The following CDK7 variants were observed in gnomAD, a reference collection of about 807,000 sequenced individuals.
The protein encoded by CDK7 is cyclin dependent kinase 7.
Under a neutral mutation model 49.1 loss-of-function variants are expected in CDK7, and 25 were observed. The observed-to-expected ratio is 0.51, with a 90% CI of 0.37 to 0.71. CDK7 has a LOEUF of 0.71. CDK7 is among the 30% of genes least tolerant of loss of function. CDK7 has a pLI of 0.00. For synonymous variants in CDK7, 107 were observed against 140.0 expected, an observed-to-expected ratio of 0.76 and a Z score of 1.67; for missense variants, 316 against 411.7, an observed-to-expected ratio of 0.77 and a Z score of 2.01.
At chr5:69,269,184 G>T in intron 8 of CDK7, 23 bp from the exon 9 acceptor site, 1 of 1,459,802 alleles carries the variant, frequency 6.9e-7, no homozygotes, top group Non-Finnish European at 9.4e-7. Flanking sequence ...ACCTTGAAAA[G>T]TCTCCCTCTT....
chr5:69,262,423 C>A (rs915500278), intron 8 of CDK7, 119 bp downstream of exon 8: 6 of 1,326,386 alleles, frequency 4.5e-6, no homozygotes, highest in South Asian at 1.3e-5. Flanking sequence ...AATCCCAGCA[C>A]TTTGGGAGGC....
intron 11 of CDK7, 87 bp downstream of exon 11, chr5:69,276,777 G>C (rs1399689577): frequency 9.1e-7 from 1 of 1,100,716 alleles, no homozygotes; most frequent in African/African-American, 1.6e-5. Context: ...CAACAGCAAA[G>C]AAATGTAGCT....
intron 8 of CDK7, among the ~76,000 whole-genome samples, chr5:69,267,278 C>T (rs1751218168): frequency 1.5e-5 from 2 of 130,764 alleles, no homozygotes; most frequent in Admixed American, 1.6e-4. Flanking sequence ...TAGTATTTTT[C>T]TCTATAAGGA....
chr5:69,262,715 C>T (rs1420379311), intron 8 of CDK7, among the ~76,000 whole-genome samples: 1 of 151,536 alleles, frequency 6.6e-6, no homozygotes, highest in African/African-American at 2.4e-5. Flanking sequence ...TCTTGTCCTG[C>T]CAATGTCTTT....
chr5:69,263,342 T>A (rs923213943), intron 8 of CDK7, among the ~76,000 whole-genome samples: 1 of 152,200 alleles, frequency 6.6e-6, no homozygotes, highest in Non-Finnish European at 1.5e-5. Flanking sequence ...TGAATAGCTT[T>A]TTTATCTCCT....
At chr5:69,276,248 C>T (rs1446261941) in intron 10 of CDK7, among the ~76,000 whole-genome samples, 3 of 152,062 alleles carry the variant, frequency 2.0e-5, no homozygotes, top group Non-Finnish European at 4.4e-5. Flanking sequence ...AAGCTGATCT[C>T]GAACTTCTGA....
Position 69,235,021 on chromosome 5 carries a change from G to T in CDK7, c.46G>T (p.Asp16Tyr), listed in dbSNP as rs368259373. The T allele has an allele frequency of 1.2e-5, 20 of 1,603,790 alleles. No individual in the cohort carries two copies. In the African/African-American group the frequency reaches 2.5e-4, roughly 20 times the overall value. The change falls in exon 1 of 12, where the codon GAC becomes TAC. Residue 16 changes from aspartate to tyrosine, a missense_variant. Asp to Tyr is a radical substitution (Grantham distance 160). Transcript: ENST00000256443. The stretch of plus-strand genomic sequence containing the variant: ...TCGGGCAAAGCGTTATGAGAAGCTG[G>T]ACTTCCTTGGGGAGGGACAGGTGAG... ...KSRAKRYEKL[D>Y]FLGEGQFATV...
intron 9 of CDK7, among the ~76,000 whole-genome samples, chr5:69,271,845 G>C (rs1226478802): frequency 4.6e-5 from 7 of 151,580 alleles, no homozygotes; most frequent in Non-Finnish European, 8.8e-5. Context: ...TTTTCTACAA[G>C]TTTTGTAGTT....
At chr5:69,252,326 G>T in intron 2 of CDK7, 92 bp from the exon 3 acceptor site, 2 of 786,552 alleles carry the variant, frequency 2.5e-6, no homozygotes, top group Non-Finnish European at 4.3e-6. Context: ...TTTTTCTGTG[G>T]CGAAGTATTT....
intron 9 of CDK7, among the ~76,000 whole-genome samples, 177 bp downstream of exon 9, chr5:69,269,470 T>A (rs182260221): frequency 6.6e-6 from 1 of 152,218 alleles, no homozygotes; most frequent in Admixed American, 6.5e-5. Flanking sequence ...TGATATACCA[T>A]CAACCTCTTG....
chr5:69,259,359 C>G (rs2150211819), intron 6 of CDK7, among the ~76,000 whole-genome samples: 1 of 152,236 alleles, frequency 6.6e-6, no homozygotes, highest in East Asian at 1.9e-4. Flanking sequence ...TAATTTATAA[C>G]TAGTAATTCT....
chr5:69,254,688 GT>G lies in CDK7; in HGVS notation c.228+21del. 7.6e-7 allele frequency: 1 copy of G among 1,322,322 alleles called. No homozygotes were observed. Among genetic ancestry groups the G allele is most frequent in the Non-Finnish European group, 1.1e-6 (1 of 917,902 alleles). The allele number at this position is 1,322,322 out of a possible 1,614,324, so 81.9% of individuals were successfully genotyped here. A position where few individuals can be genotyped will look rare whatever the true frequency, so the allele number is the denominator to read the frequency against. ...AATTGGTGTGAGTATGATCAAAACT[GT>G]TACTGGGATTTGGGACTCTGCCTTT... On this transcript the variant is annotated intron_variant, in intron 4 of 11. Transcript: ENST00000256443.
chr5:69,263,819 A>G (rs1385152990), intron 8 of CDK7, among the ~76,000 whole-genome samples: 1 of 152,242 alleles, frequency 6.6e-6, no homozygotes, highest in African/African-American at 2.4e-5. Context: ...GAGAAAGCAA[A>G]TGAAGAGAGA....
At chr5:69,245,040 G>A (rs933647047) in intron 2 of CDK7, among the ~76,000 whole-genome samples, 2 of 152,050 alleles carry the variant, frequency 1.3e-5, no homozygotes, top group Non-Finnish European at 2.9e-5. Flanking sequence ...ATCCCACTTG[G>A]TCATGATGAT....
intron 2 of CDK7, among the ~76,000 whole-genome samples, chr5:69,245,484 G>A (rs1749692816): frequency 6.6e-6 from 1 of 151,662 alleles, no homozygotes; most frequent in Non-Finnish European, 1.5e-5. Context: ...GGGATTACAG[G>A]CATGCACCAC....
At chr5:69,244,666 C>G (rs1253732228) in intron 2 of CDK7, among the ~76,000 whole-genome samples, 2 of 149,234 alleles carry the variant, frequency 1.3e-5, no homozygotes, top group Non-Finnish European at 3.0e-5. Context: ...AAGATCATAT[C>G]GTCTACAAAC....
intron 3 of CDK7, among the ~76,000 whole-genome samples, chr5:69,253,850 G>A (rs1750309194): frequency 6.6e-6 from 1 of 152,172 alleles, no homozygotes; most frequent in Non-Finnish European, 1.5e-5. Flanking sequence ...TGTAATCCCA[G>A]CACTTTGGGA....
At chr5:69,246,127 A>AGTTTGTTTGTTT (rs546761443) in intron 2 of CDK7, among the ~76,000 whole-genome samples, 10 of 151,554 alleles carry the variant, frequency 6.6e-5, no homozygotes, top group African/African-American at 2.4e-4. Context: ...CAGGAGTGGA[A>AGTTTGTTTGTTT]GTTTGTTTGT....
chr5:69,257,187 G>C (rs1750545277), intron 5 of CDK7, among the ~76,000 whole-genome samples: 2 of 152,184 alleles, frequency 1.3e-5, no homozygotes, highest in Admixed American at 6.5e-5. Context: ...TAAAGGAAAG[G>C]AGTAAGTACA....
Sources: allele counts gnomAD v4.1 joint callset (sites outside exome capture counted in the v4.1 genomes callset), GRCh38; gene constraint gnomAD v4.1.1; transcripts MANE v1.5; gene names NCBI Gene and HGNC (gene_info 2026-07-23, HGNC 2026-07-21).